ERC1: variants seen among roughly 807,000 people sequenced by gnomAD.
ERC1 encodes the protein ELKS/RAB6-interacting/CAST family member 1, also known as RAB6 interacting protein 2.
ERC1 carries 56 observed loss-of-function variants against 132.0 expected under a neutral mutation model. The observed-to-expected ratio is 0.42, with a 90% CI of 0.34 to 0.53. The LOEUF (loss-of-function observed/expected upper bound fraction) is 0.53. Among genes scored for constraint, ERC1 ranks in the 20% least tolerant of loss-of-function variants. The pLI is 0.03. For synonymous variants in ERC1, 478 were observed against 476.1 expected, an observed-to-expected ratio of 1.00 and a Z score of -0.05; for missense variants, 1,202 against 1,349.9, an observed-to-expected ratio of 0.89 and a Z score of 1.72.
At chr12:1,470,811 T>TC (rs2093845412) in intron 18 of ERC1, among the ~76,000 whole-genome samples, 1 of 152,218 alleles carries the variant, frequency 6.6e-6, no homozygotes, top group Admixed American at 6.5e-5. Context: ...GATAAAGACT[T>TC]CCAGAGTCCA....
At chr12:1,243,346 T>A (rs1314799642) in intron 13 of ERC1, among the ~76,000 whole-genome samples, 2 of 151,510 alleles carry the variant, frequency 1.3e-5, no homozygotes, top group Admixed American at 1.3e-4. Context: ...TTAGAACCAA[T>A]CCCCAGAAGA....
intron 1 of ERC1, among the ~76,000 whole-genome samples, chr12:1,002,041 A>T (rs1962442535): frequency 6.7e-6 from 1 of 149,410 alleles, no homozygotes; most frequent in South Asian, 2.1e-4. Flanking sequence ...TTTGTATTTT[A>T]AGTAGAGATG....
At chr12:1,420,138 C>A (rs1161255977) in intron 17 of ERC1, among the ~76,000 whole-genome samples, 4 of 152,120 alleles carry the variant, frequency 2.6e-5, no homozygotes, top group African/African-American at 4.8e-5. Context: ...TTAAAAGAAT[C>A]ATTTGCATAA....
chr12:1,233,369 G>A lies in ERC1; in HGVS notation c.2352-3400G>A, dbSNP rs557935592. On this transcript the variant is annotated intron_variant, in intron 12 of 18. Coordinates refer to ENST00000360905, the MANE Select transcript of ERC1 (RefSeq NM_178040.4). ...GCCTGTAATCCTAGCTACTTGGGAG[G>A]CTGAGACACCAGAATGGCTTGAACC... Among the ~76,000 whole-genome samples, 226 of 151,078 alleles carry A rather than the reference G, an allele frequency of 1.5e-3. 2 individuals are homozygous for A. Among genetic ancestry groups the A allele is most frequent in the African/African-American group, 5.1e-3 (210 of 41,158 alleles).
chr12:1,491,721 T>G lies in ERC1; in HGVS notation c.*1491T>G. 1 of 231,054 alleles carries G rather than the reference T, an allele frequency of 4.3e-6. No individual in the cohort carries two copies. The highest frequency in any genetic ancestry group is 6.1e-5 in the East Asian group (1 of 16,282). The allele number at this position is 231,054 out of a possible 1,614,324, so 14.3% of individuals were successfully genotyped here. A position where few individuals can be genotyped will look rare whatever the true frequency, so the allele number is the denominator to read the frequency against. On this transcript the variant is annotated 3_prime_UTR_variant, in exon 19 of 19. Transcript: ENST00000360905. ...GGGTGGCCATTTCCTGACATCTGCA[T>G]GTACCTCGTGGAATTCAGCCAGCTT...
chr12:1,196,835 TGTCTCTCTGTCTGTCTCTCTCTCA>T (rs1166314884), intron 12 of ERC1, among the ~76,000 whole-genome samples: 80 of 103,240 alleles, frequency 7.7e-4, no homozygotes, highest in Non-Finnish European at 1.1e-3. Flanking sequence ...TCTCTCTGTC[TGTCTCTCTGTCTGTCTCTCTCTCA>T]CTCTCTCTCT....
rs913888115 is a variant in ERC1, at chr12:1,492,654, C to G, written c.*2424C>G. On this transcript the variant is annotated 3_prime_UTR_variant, in exon 19 of 19. Coordinates refer to ENST00000360905, the MANE Select transcript of ERC1 (RefSeq NM_178040.4). The stretch of plus-strand genomic sequence containing the variant: ...CACTGCTTCTGAGAAGAAGCATTTC[C>G]GGGACCGATATCATCTGTCTGGTCT... 82 of 232,822 alleles carry G rather than the reference C, an allele frequency of 3.5e-4. No homozygotes were observed. Among genetic ancestry groups the G allele is most frequent in the Admixed American group, 1.1e-3 (20 of 17,760 alleles). The allele number at this position is 232,822 out of a possible 1,614,324, so 14.4% of individuals were successfully genotyped here. A position where few individuals can be genotyped will look rare whatever the true frequency, so the allele number is the denominator to read the frequency against.
intron 1 of ERC1, among the ~76,000 whole-genome samples, chr12:1,021,523 C>G (rs1459628925): frequency 6.6e-6 from 1 of 151,712 alleles, no homozygotes; most frequent in Non-Finnish European, 1.5e-5. Context: ...CATGGTGAAA[C>G]CCCGTATCTA....
chr12:1,234,063 G>A (rs946964918), intron 12 of ERC1, among the ~76,000 whole-genome samples: 3 of 152,104 alleles, frequency 2.0e-5, no homozygotes, highest in Non-Finnish European at 4.4e-5. Flanking sequence ...ATGGCAAAAC[G>A]TATAATGTAC....
intron 13 of ERC1, among the ~76,000 whole-genome samples, chr12:1,253,261 G>A (rs2076576383): frequency 6.6e-6 from 1 of 152,120 alleles, no homozygotes. Context: ...TCTTTTTTAT[G>A]TGACTATACT....
chr12:1,279,310 T>C (rs1033617961), intron 14 of ERC1, among the ~76,000 whole-genome samples: 16 of 152,314 alleles, frequency 1.1e-4, no homozygotes, highest in African/African-American at 3.8e-4. Flanking sequence ...TGACATAGTA[T>C]GACCAAAAAA....
At chr12:1,364,036 A>T (rs1226371695) in intron 15 of ERC1, among the ~76,000 whole-genome samples, 1 of 152,230 alleles carries the variant, frequency 6.6e-6, no homozygotes, top group Non-Finnish European at 1.5e-5. Context: ...ATGCCCTGAA[A>T]TAGTCTGTAT....
At chr12:1,196,466 G>T (rs1160376122) in intron 12 of ERC1, among the ~76,000 whole-genome samples, 3 of 151,592 alleles carry the variant, frequency 2.0e-5, no homozygotes, top group Non-Finnish European at 4.4e-5. Flanking sequence ...TTGGGTTGGG[G>T]GGGTATGTGT....
rs1419142423 is a variant in ERC1 at position 1,090,860 on chromosome 12, GTTGTTGTTATTA to G, written c.1086+7283_1086+7294del. Among the ~76,000 whole-genome samples, 11 of 61,986 alleles carry G rather than the reference GTTGTTGTTATTA, an allele frequency of 1.8e-4. 4 individuals carry two copies. Among genetic ancestry groups the G allele is most frequent in the African/African-American group, 5.2e-4 (9 of 17,308 alleles). The allele number at this position is 61,986 out of a possible 152,430, so 40.7% of individuals were successfully genotyped here. A position where few individuals can be genotyped will look rare whatever the true frequency, so the allele number is the denominator to read the frequency against. On this transcript the variant is annotated intron_variant, in intron 3 of 18. Coordinates refer to ENST00000360905, the MANE Select transcript of ERC1 (RefSeq NM_178040.4). ...TATTATTATTATTGTTGTTGTTGTTGTTGTTGTTATTATTATTATTATTATTATTATTATTAT... is the reference window on the plus strand; with the variant it reads ...TATTATTATTATTGTTGTTGTTGTTGTTATTATTATTATTATTATTATTAT...
At chr12:1,069,350 T>C (rs971678459) in intron 2 of ERC1, among the ~76,000 whole-genome samples, 6 of 152,086 alleles carry the variant, frequency 3.9e-5, no homozygotes, top group African/African-American at 1.4e-4. Context: ...TTTAAATGAC[T>C]GGTAAAGTTG....
At chr12:1,202,251 G>T (rs1437107299) in intron 12 of ERC1, among the ~76,000 whole-genome samples, 1 of 152,156 alleles carries the variant, frequency 6.6e-6, no homozygotes, top group Non-Finnish European at 1.5e-5. Context: ...TGTTACTGTG[G>T]TCTTACAGGA....
chr12:1,321,755 A>G lies in ERC1; in HGVS notation c.2780+31743A>G, dbSNP rs111708124. ...CGTAACCATTTCCTACATCTCTTCTATAAGTTTATTGAATTCACAGTACAC... is the reference window on the plus strand; with the variant it reads ...CGTAACCATTTCCTACATCTCTTCTGTAAGTTTATTGAATTCACAGTACAC... On this transcript the variant is annotated intron_variant, in intron 15 of 18. Transcript: ENST00000360905. Among the ~76,000 whole-genome samples, 108 of 151,642 alleles carry G rather than the reference A, an allele frequency of 7.1e-4. 2 individuals are homozygous for G. Among genetic ancestry groups the G allele is most frequent in the Admixed American group, 3.3e-4 (5 of 15,238 alleles).
intron 15 of ERC1, among the ~76,000 whole-genome samples, chr12:1,325,621 C>A (rs1423951036): frequency 1.3e-5 from 2 of 152,242 alleles, no homozygotes; most frequent in African/African-American, 2.4e-5. Flanking sequence ...TTTTAACTTT[C>A]TTTGATTCCA....
intron 12 of ERC1, among the ~76,000 whole-genome samples, chr12:1,236,137 T>C (rs2075398719): frequency 6.6e-6 from 1 of 152,108 alleles, no homozygotes; most frequent in Admixed American, 6.6e-5. Flanking sequence ...CATATATATA[T>C]ATGTAGCAAA....
Sources: allele counts gnomAD v4.1 joint callset (sites outside exome capture counted in the v4.1 genomes callset), GRCh38; gene constraint gnomAD v4.1.1; transcripts MANE v1.5; gene names NCBI Gene and HGNC (gene_info 2026-07-23, HGNC 2026-07-21).